The following GABRB1 variants were observed in gnomAD, a reference collection of about 807,000 sequenced individuals.
GABRB1 encodes gamma-aminobutyric acid type A receptor subunit beta1, also known as gamma-aminobutyric acid receptor subunit beta-1.
A neutral mutation model predicts 51.6 loss-of-function variants in GABRB1; 17 were observed. The ratio of observed to expected loss-of-function variants is 0.33; its 90% CI spans 0.23 to 0.49. GABRB1 has a LOEUF of 0.49. GABRB1 is among the 20% of genes least tolerant of loss of function. GABRB1 has a pLI of 0.99. For synonymous variants in GABRB1, 247 were observed against 218.9 expected, an observed-to-expected ratio of 1.13 and a Z score of -1.14; for missense variants, 410 against 600.6, an observed-to-expected ratio of 0.68 and a Z score of 3.32.
chr4:47,387,736 G>GA (rs1464256297), intron 5 of GABRB1, among the ~76,000 whole-genome samples: 2 of 152,184 alleles, frequency 1.3e-5, no homozygotes, highest in African/African-American at 2.4e-5. Context: ...CATGGGACCA[G>GA]AAAAATGGTA....
rs1428935605 is a variant in GABRB1, at chr4:47,396,263, A to G, written c.545-7055A>G. On this transcript the variant is annotated intron_variant, in intron 5 of 8. Coordinates refer to ENST00000295454, the MANE Select transcript of GABRB1 (RefSeq NM_000812.4). ...GAAATGAGTTTCCCCTTATCAAACC[A>G]TCAGATCTCGTGAGACTTACTCACT... Among the ~76,000 whole-genome samples, 3 of 152,108 alleles carry G rather than the reference A, an allele frequency of 2.0e-5. No homozygotes were observed. The East Asian group carries it at 5.8e-4, about 29-fold the overall frequency.
chr4:47,279,397 T>C (rs12331086), intron 4 of GABRB1, among the ~76,000 whole-genome samples: 10,120 of 152,182 alleles, frequency 0.066, 616 homozygotes, highest in African/African-American at 0.16. Context: ...ATTGTAAGTA[T>C]TCAGGATAAA....
chr4:47,203,434 A>G (rs1156256378), intron 4 of GABRB1, among the ~76,000 whole-genome samples: 1 of 152,124 alleles, frequency 6.6e-6, no homozygotes, highest in Admixed American at 6.6e-5. Context: ...CAGGCAGAAA[A>G]TGAGCTTCTC....
At chr4:47,287,549 G>A (rs1215722687) in intron 4 of GABRB1, among the ~76,000 whole-genome samples, 21 of 152,104 alleles carry the variant, frequency 1.4e-4, no homozygotes, top group Admixed American at 1.4e-3. Flanking sequence ...TATCTCTGCT[G>A]TTTGTTTCAC....
At chr4:47,256,945 A>T (rs1722227007) in intron 4 of GABRB1, among the ~76,000 whole-genome samples, 1 of 152,198 alleles carries the variant, frequency 6.6e-6, no homozygotes, top group South Asian at 2.1e-4. Flanking sequence ...TTTACAGATG[A>T]GGAAACTATG....
At chr4:47,054,452 A>T (rs1354681529) in intron 3 of GABRB1, among the ~76,000 whole-genome samples, 2 of 152,160 alleles carry the variant, frequency 1.3e-5, no homozygotes, top group Non-Finnish European at 2.9e-5. Flanking sequence ...CTTTACCTTC[A>T]TGAATAGCAG....
intron 4 of GABRB1, among the ~76,000 whole-genome samples, chr4:47,175,224 T>A (rs992456259): frequency 2.6e-5 from 4 of 151,344 alleles, no homozygotes; most frequent in African/African-American, 9.7e-5. Flanking sequence ...CTCTTTCTTC[T>A]CTTTCTTCTT....
chr4:46,997,366 ATAT>A (rs1218946965), intron 1 of GABRB1, among the ~76,000 whole-genome samples: 1 of 151,436 alleles, frequency 6.6e-6, no homozygotes, highest in Non-Finnish European at 1.5e-5. Context: ...GTGCAATGAA[ATAT>A]TATTAACTGT....
intron 4 of GABRB1, among the ~76,000 whole-genome samples, chr4:47,300,411 T>C (rs1724213570): frequency 6.6e-6 from 1 of 152,274 alleles, no homozygotes. Context: ...GTAATTACTA[T>C]TGACATAAAG....
At chr4:47,225,740 C>T (rs1260261274) in intron 4 of GABRB1, among the ~76,000 whole-genome samples, 1 of 152,038 alleles carries the variant, frequency 6.6e-6, no homozygotes, top group African/African-American at 2.4e-5. Flanking sequence ...GCTATCATTG[C>T]CTTTTTAAAT....
At chr4:47,212,086 TG>T in intron 4 of GABRB1, among the ~76,000 whole-genome samples, 1 of 151,944 alleles carries the variant, frequency 6.6e-6, no homozygotes, top group East Asian at 2.0e-4. Context: ...GCAAAGGGAA[TG>T]GAACAGTTAT....
intron 4 of GABRB1, among the ~76,000 whole-genome samples, chr4:47,301,833 A>G (rs1041483968): frequency 2.6e-5 from 4 of 152,184 alleles, no homozygotes; most frequent in Admixed American, 6.5e-5. Context: ...ATAATCAATT[A>G]CAACTGCAAT....
intron 1 of GABRB1, among the ~76,000 whole-genome samples, chr4:47,024,933 C>CATATATATATATATG (rs1553909896): frequency 1.2e-5 from 1 of 86,202 alleles, no homozygotes; most frequent in Non-Finnish European, 2.3e-5. Context: ...AGTATTCCAT[C>CATATATATATATATG]ATATATATAT....
At chr4:47,194,993 T>C (rs1212993265) in intron 4 of GABRB1, among the ~76,000 whole-genome samples, 2 of 152,106 alleles carry the variant, frequency 1.3e-5, no homozygotes. Context: ...GGTCCTGAAG[T>C]GGAGGATTCA....
At chr4:47,273,878 C>T (rs972220166) in intron 4 of GABRB1, among the ~76,000 whole-genome samples, 48 of 151,618 alleles carry the variant, frequency 3.2e-4, no homozygotes, top group South Asian at 1.0e-3. Context: ...CACACACACA[C>T]ACACACACAC....
rs888352889 is a variant in GABRB1 at position 47,032,491 on chromosome 4, G to A, written c.240+7G>A. 1 of 1,613,552 alleles carries A rather than the reference G, an allele frequency of 6.2e-7. No homozygotes were observed. On this transcript the variant is annotated splice_region_variant and intron_variant, in intron 3 of 8. Transcript: ENST00000295454. ...GGTCTCCGAAGTGAATATGGTGAGT[G>A]GCCTCCCGAGGGGCCCGGCGGTTCG...
intron 5 of GABRB1, among the ~76,000 whole-genome samples, chr4:47,396,184 G>A (rs1424857932): frequency 1.3e-5 from 2 of 152,264 alleles, no homozygotes; most frequent in South Asian, 2.1e-4. Flanking sequence ...GGAGGAGCAA[G>A]TCATATCTTA....
At chr4:47,199,287 A>G (rs1294849149) in intron 4 of GABRB1, among the ~76,000 whole-genome samples, 1 of 152,212 alleles carries the variant, frequency 6.6e-6, no homozygotes, top group East Asian at 1.9e-4. Context: ...AGTGGGACAG[A>G]CAAGGGTGTG....
intron 3 of GABRB1, among the ~76,000 whole-genome samples, chr4:47,079,889 T>C (rs1237289394): frequency 6.6e-6 from 1 of 151,040 alleles, no homozygotes; most frequent in Non-Finnish European, 1.5e-5. Context: ...AGGAGATATA[T>C]CTAATTTTAA....
Sources: gnomAD v4.1 joint callset for allele counts (sites outside exome capture counted in the v4.1 genomes callset) on GRCh38, gnomAD v4.1.1 for gene constraint, MANE v1.5 for transcripts, NCBI Gene and HGNC (gene_info 2026-07-23, HGNC 2026-07-21) for gene names.